GON4L: variants seen among roughly 807,000 people sequenced by gnomAD.
GON4L encodes GON-4-like protein.
GON4L carries 87 observed loss-of-function variants against 211.8 expected under a neutral mutation model. The ratio of observed to expected loss-of-function variants is 0.41; its 90% CI spans 0.35 to 0.49. The LOEUF (loss-of-function observed/expected upper bound fraction) is 0.49. Ranked by LOEUF, GON4L falls within the 20% of genes least tolerant of loss-of-function variation. The pLI, the probability that GON4L is intolerant of heterozygous loss-of-function variation, is 0.15. For missense variants in GON4L, 2,155 were observed against 2,659.5 expected, an observed-to-expected ratio of 0.81 and a Z score of 4.17; for synonymous variants, 875 against 962.6, an observed-to-expected ratio of 0.91 and a Z score of 1.68.
chr1:155,827,392 A>T (rs978614607), intron 2 of GON4L, among the ~76,000 whole-genome samples: 1 of 152,202 alleles, frequency 6.6e-6, no homozygotes, highest in African/African-American at 2.4e-5. Flanking sequence ...TTTGTAAATC[A>T]ATTTGGCAGA....
intron 2 of GON4L, among the ~76,000 whole-genome samples, chr1:155,848,709 A>C (rs1671478044): frequency 6.6e-6 from 1 of 152,188 alleles, no homozygotes; most frequent in Admixed American, 6.5e-5. Flanking sequence ...TGCTTCTTTT[A>C]AATGTCACAC....
intron 21 of GON4L, chr1:155,764,639 C>T: frequency 1.9e-6 from 1 of 522,204 alleles, no homozygotes; most frequent in Non-Finnish European, 3.4e-6. Context: ...TGGGGTTTTA[C>T]CACGTCGGCC....
chr1:155,772,084 C>T (rs1057037044), intron 18 of GON4L, among the ~76,000 whole-genome samples: 2 of 151,142 alleles, frequency 1.3e-5, no homozygotes, highest in African/African-American at 2.4e-5. Flanking sequence ...AAACCGGGGG[C>T]GAAGGTTGCA....
intron 1 of GON4L, among the ~76,000 whole-genome samples, chr1:155,856,069 C>T (rs1672253521): frequency 6.6e-6 from 1 of 151,706 alleles, no homozygotes; most frequent in African/African-American, 2.4e-5. Context: ...GAATAAGCCG[C>T]CTTGTGTTAG....
chr1:155,813,825 C>T (rs749343603), intron 9 of GON4L, 21 bp from the exon 10 acceptor site: 5 of 1,606,820 alleles, frequency 3.1e-6, no homozygotes, highest in South Asian at 1.1e-5. Context: ...GAGGTGACTG[C>T]ATCAAAAAAG....
At chr1:155,829,744 G>A (rs1304236841) in intron 2 of GON4L, among the ~76,000 whole-genome samples, 1 of 152,116 alleles carries the variant, frequency 6.6e-6, no homozygotes, top group Admixed American at 6.6e-5. Flanking sequence ...CTCTTATTCT[G>A]CTCAGCTTCT....
rs770099551 is a variant in GON4L at position 155,822,493 on chromosome 1, A to G, written c.698-17T>C. ...CTTGTTCTTCTGCAAATAAACCAAGAACATCATCAGAATTCCAAAATAGCT... is the reference window on the plus strand; with the variant it reads ...CTTGTTCTTCTGCAAATAAACCAAGGACATCATCAGAATTCCAAAATAGCT... On this transcript the variant is annotated splice_polypyrimidine_tract_variant and intron_variant, in intron 3 of 31. Coordinates refer to ENST00000368331, the MANE Select transcript of GON4L (RefSeq NM_001282860.2). 3 of 1,600,204 alleles carry G rather than the reference A, an allele frequency of 1.9e-6. No individual in the cohort carries two copies. The highest frequency in any genetic ancestry group is 2.2e-5 in the South Asian group (2 of 90,806).
chr1:155,835,858 T>C (rs937260824), intron 2 of GON4L, among the ~76,000 whole-genome samples: 9 of 152,168 alleles, frequency 5.9e-5, no homozygotes, highest in African/African-American at 2.2e-4. Flanking sequence ...GAGCCCCAAT[T>C]TGGGGTTCAC....
intron 17 of GON4L, among the ~76,000 whole-genome samples, chr1:155,773,599 T>A (rs1663445155): frequency 1.3e-5 from 2 of 152,208 alleles, no homozygotes; most frequent in African/African-American, 4.8e-5. Flanking sequence ...AGAATAAGAT[T>A]CCAACTTCTT....
Position 155,766,113 on chromosome 1 carries a change from T to G in GON4L, c.3360A>C (p.Ser1120=). 1 of 1,614,160 alleles carries G rather than the reference T, an allele frequency of 6.2e-7. No homozygotes were observed. Among genetic ancestry groups the G allele is most frequent in the Non-Finnish European group, 8.5e-7 (1 of 1,180,022 alleles). Residue 1120 remains serine (S), a synonymous_variant, in exon 21 of 32, where the codon TCA becomes TCC. Coordinates refer to ENST00000368331, the MANE Select transcript of GON4L (RefSeq NM_001282860.2). ...FRKPYVRRRP[S]KRRGVKASPC... is the part of the protein sequence containing the mutation. ...GAGAGGCCTTGACTCCTCTTCTCTTTGAGGGTCTCCGTCTCACATATGGCT... is the reference window on the plus strand; with the variant it reads ...GAGAGGCCTTGACTCCTCTTCTCTTGGAGGGTCTCCGTCTCACATATGGCT...
intron 10 of GON4L, among the ~76,000 whole-genome samples, chr1:155,811,769 A>AT (rs1667805653): frequency 6.9e-6 from 1 of 145,930 alleles, no homozygotes; most frequent in East Asian, 2.0e-4. Context: ...AAAAAAAAAA[A>AT]AAAAAAAAAA....
At chr1:155,774,808 C>G in intron 17 of GON4L, 194 bp downstream of exon 17, 1 of 907,224 alleles carries the variant, frequency 1.1e-6, no homozygotes, top group South Asian at 1.5e-5. Context: ...ACACTTTACC[C>G]AGGCCCAGAG....
At chr1:155,801,313 G>C (rs889137526) in intron 11 of GON4L, among the ~76,000 whole-genome samples, 5 of 151,970 alleles carry the variant, frequency 3.3e-5, no homozygotes, top group Non-Finnish European at 5.9e-5. Flanking sequence ...GATTGTCAAA[G>C]GGGTGAGTAA....
intron 5 of GON4L, among the ~76,000 whole-genome samples, chr1:155,821,221 G>A (rs941115546): frequency 3.3e-5 from 5 of 151,772 alleles, no homozygotes; most frequent in Non-Finnish European, 7.4e-5. Flanking sequence ...AGCCAAGATC[G>A]CGCCACTGCG....
intron 18 of GON4L, among the ~76,000 whole-genome samples, chr1:155,772,090 T>C (rs190539278): frequency 4.6e-5 from 7 of 151,984 alleles, no homozygotes; most frequent in Admixed American, 2.0e-4. Context: ...GGGGCGAAGG[T>C]TGCAGTGAGC....
chr1:155,783,774 C>T (rs1378429051), intron 14 of GON4L, among the ~76,000 whole-genome samples: 2 of 152,206 alleles, frequency 1.3e-5, no homozygotes, highest in East Asian at 1.9e-4. Context: ...TGTTTTTTCT[C>T]CCTTCCCAAA....
chr1:155,834,672 T>G (rs1469690492), intron 2 of GON4L, among the ~76,000 whole-genome samples: 1 of 152,184 alleles, frequency 6.6e-6, no homozygotes, highest in Non-Finnish European at 1.5e-5. Context: ...TCCTTTTATC[T>G]GCATGCTAAA....
At chr1:155,796,415 T>C (rs1044407988) in intron 11 of GON4L, among the ~76,000 whole-genome samples, 4 of 151,864 alleles carry the variant, frequency 2.6e-5, no homozygotes, top group Non-Finnish European at 5.9e-5. Flanking sequence ...GTAACTGAGA[T>C]TACAGATGCC....
rs567177800 is a variant in GON4L, at chr1:155,829,304, C to T, written c.506-2276G>A. 5.9e-5 allele frequency among the ~76,000 whole-genome samples: 9 copies of T among 152,218 alleles called. No individual in the cohort carries two copies. The East Asian group carries it at 1.7e-3, about 29-fold the overall frequency. On this transcript the variant is annotated intron_variant, in intron 2 of 31. Coordinates refer to ENST00000368331, the MANE Select transcript of GON4L (RefSeq NM_001282860.2). ...ATTAGTTGATTTGTACTGTTCTCAG[C>T]TAATTTTGATGTTATGATCAGCCAG...
Sources: allele counts gnomAD v4.1 joint callset (sites outside exome capture counted in the v4.1 genomes callset), GRCh38; gene constraint gnomAD v4.1.1; transcripts MANE v1.5; gene names NCBI Gene and HGNC (gene_info 2026-07-23, HGNC 2026-07-21).